COL10A1: variants seen among roughly 807,000 people sequenced by gnomAD.
COL10A1 encodes the protein collagen type X alpha 1 chain.
Under a neutral mutation model 18.2 loss-of-function variants are expected in COL10A1, and 10 were observed. The observed-to-expected ratio is 0.55, with a 90% CI of 0.34 to 0.93. The LOEUF is 0.93. Ranked by LOEUF, COL10A1 falls within the 40% of genes least tolerant of loss-of-function variation. The pLI is 0.02. For synonymous variants in COL10A1, 330 were observed against 316.6 expected (o/e 1.04, Z -0.45); for missense variants, 897 against 853.5 (o/e 1.05, Z -0.64).
the COL10A1 span, among the ~76,000 whole-genome samples, chr6:116,203,622 AC>A: frequency 6.6e-6 from 1 of 151,760 alleles, no homozygotes; most frequent in Non-Finnish European, 1.5e-5. Flanking sequence ...TATTCATCCT[AC>A]CCTTGGTAGA....
chr6:116,155,112 C>T (rs1354885435), intron 1 of COL10A1, among the ~76,000 whole-genome samples: 1 of 152,064 alleles, frequency 6.6e-6, no homozygotes, highest in Non-Finnish European at 1.5e-5. Context: ...CCATTACTTT[C>T]AATGGCAAAG....
chr6:116,143,345 G>A (rs1582831228), intron 1 of COL10A1, among the ~76,000 whole-genome samples: 1 of 152,002 alleles, frequency 6.6e-6, no homozygotes, highest in Admixed American at 6.6e-5. Context: ...CAAGTAGCTG[G>A]GATTATAGGC....
At chr6:116,126,566 C>T (rs1041261594), upstream of COL10A1, among the ~76,000 whole-genome samples, 7 of 152,136 alleles carry the variant, frequency 4.6e-5, no homozygotes, top group African/African-American at 1.2e-4. Context: ...TGAGTTATTA[C>T]ATAAAGTTAT....
intron 1 of COL10A1, among the ~76,000 whole-genome samples, chr6:116,135,985 G>A (rs919412119): frequency 2.0e-5 from 3 of 151,470 alleles, no homozygotes; most frequent in Non-Finnish European, 4.4e-5. Context: ...TTAAGTATAT[G>A]ATACAGTATC....
chr6:116,166,172 A>G, the COL10A1 span, among the ~76,000 whole-genome samples: 1 of 152,120 alleles, frequency 6.6e-6, no homozygotes, highest in African/African-American at 2.4e-5. Flanking sequence ...AATCTCTGCG[A>G]GACTCTTGCT....
the COL10A1 span, among the ~76,000 whole-genome samples, chr6:116,193,599 G>C: frequency 1.3e-5 from 2 of 152,042 alleles, no homozygotes; most frequent in African/African-American, 2.4e-5. Flanking sequence ...AATATACACA[G>C]AATATGTCTC....
In COL10A1 at chr6:116,121,879, T is replaced by G; in HGVS notation, c.237A>C (p.Pro79=). The change falls in exon 3 of 3, where the codon CCA becomes CCC. Residue 79 remains proline, a synonymous_variant. Transcript: ENST00000651968. ...GPRGHPGPSG[P]PGKPGYGSPG... ...GACTTCCGTAGCCTGGTTTTCCTGG[T>G]GGTCCAGAAGGACCTGGGTGCCCTC... 1 of 1,614,024 alleles carries G rather than the reference T, an allele frequency of 6.2e-7. No individual in the cohort carries two copies.
At chr6:116,193,670 A>C in the COL10A1 span, among the ~76,000 whole-genome samples, 1 of 151,958 alleles carries the variant, frequency 6.6e-6, no homozygotes, top group Non-Finnish European at 1.5e-5. Flanking sequence ...TTTAAAAACA[A>C]GAGTATTTTC....
the COL10A1 span, among the ~76,000 whole-genome samples, chr6:116,166,841 G>C: frequency 6.6e-6 from 1 of 152,124 alleles, no homozygotes; most frequent in Non-Finnish European, 1.5e-5. Context: ...AAGACGAAAG[G>C]ACTGAAATTC....
the COL10A1 span, among the ~76,000 whole-genome samples, chr6:116,173,587 G>A: frequency 1.4e-4 from 21 of 152,160 alleles, no homozygotes; most frequent in African/African-American, 4.8e-4. Context: ...AGGGTATGAG[G>A]AGCTGTGGAC....
chr6:116,171,456 G>A, the COL10A1 span, among the ~76,000 whole-genome samples: 1 of 152,062 alleles, frequency 6.6e-6, no homozygotes, highest in Admixed American at 6.6e-5. Context: ...TGTTAGTGGT[G>A]GTAAAGATGA....
Position 116,121,008 on chromosome 6 carries a change from C to G in COL10A1, c.1108G>C (p.Ala370Pro), listed in dbSNP as rs756365636. The G allele has an allele frequency of 1.3e-5, 21 of 1,613,806 alleles. No individual in the cohort carries two copies. The highest frequency in any genetic ancestry group is 3.3e-4 in the Middle Eastern group (2 of 6,084). ...PKGETGPAGP[A>P]GYPGAKGERG... ...TCACCCTTAGCCCCAGGGTATCCTG[C>G]AGGCCCAGCTGGCCCTGTCTCACCT... The change falls in exon 3 of 3, where the codon GCA becomes CCA. Residue 370 changes from alanine to proline, a missense_variant. By Grantham distance (27) the Ala-to-Pro change is conservative. Transcript: ENST00000651968.
At chr6:116,158,193 A>T (rs1047959965) in intron 1 of COL10A1, among the ~76,000 whole-genome samples, 19 of 152,218 alleles carry the variant, frequency 1.2e-4, no homozygotes, top group African/African-American at 4.6e-4. Context: ...GTTATCTGTC[A>T]TTGTTGGGAG....
At chr6:116,135,258 A>C (rs937505601) in intron 1 of COL10A1, among the ~76,000 whole-genome samples, 1 of 152,208 alleles carries the variant, frequency 6.6e-6, no homozygotes, top group African/African-American at 2.4e-5. Context: ...TGTGAGTATT[A>C]GATAAATATT....
upstream of COL10A1, among the ~76,000 whole-genome samples, chr6:116,163,002 T>TTA (rs1421652333): frequency 6.6e-6 from 1 of 151,102 alleles, no homozygotes; most frequent in East Asian, 1.9e-4. Flanking sequence ...CGGCAGGCAC[T>TTA]TATAGTCCCA....
chr6:116,162,066 G>C (rs1409324908), upstream of COL10A1, among the ~76,000 whole-genome samples: 1 of 151,754 alleles, frequency 6.6e-6, no homozygotes, highest in Non-Finnish European at 1.5e-5. Context: ...TTTTTTATTT[G>C]GTTTTCTGCT....
At chr6:116,208,134 A>C in the COL10A1 span, among the ~76,000 whole-genome samples, 2 of 151,940 alleles carry the variant, frequency 1.3e-5, no homozygotes, top group African/African-American at 2.4e-5. Flanking sequence ...TATGATTTCT[A>C]TGTTCCTGTT....
chr6:116,193,421 C>G, the COL10A1 span, among the ~76,000 whole-genome samples: 1 of 152,042 alleles, frequency 6.6e-6, no homozygotes, highest in Non-Finnish European at 1.5e-5. Flanking sequence ...AAAATGAAAA[C>G]TTGATTTCAA....
chr6:116,170,473 A>C, the COL10A1 span, among the ~76,000 whole-genome samples: 1 of 152,166 alleles, frequency 6.6e-6, no homozygotes, highest in Non-Finnish European at 1.5e-5. Flanking sequence ...ATTTTCTCAT[A>C]GAAATGGTTC....
Sources: allele counts gnomAD v4.1 joint callset (sites outside exome capture counted in the v4.1 genomes callset), GRCh38; gene constraint gnomAD v4.1.1; transcripts MANE v1.5; gene names NCBI Gene and HGNC (gene_info 2026-07-23, HGNC 2026-07-21).